Variants in QTRT2 observed in about 807,000 individuals in gnomAD.
QTRT2 encodes the protein queuine tRNA-ribosyltransferase accessory subunit 2.
QTRT2 carries 32 observed loss-of-function variants against 44.8 expected under a neutral mutation model. The observed-to-expected ratio is 0.71, with a 90% CI of 0.54 to 0.96. The LOEUF is 0.96. QTRT2 is among the 40% of genes least tolerant of loss of function. QTRT2 has a pLI of 0.00. For missense variants in QTRT2, 461 were observed against 503.1 expected, an observed-to-expected ratio of 0.92 and a Z score of 0.80; for synonymous variants, 182 against 187.4, an observed-to-expected ratio of 0.97 and a Z score of 0.24.
At chr3:114,061,006 C>G (rs2076880132) in intron 2 of QTRT2, among the ~76,000 whole-genome samples, 1 of 152,146 alleles carries the variant, frequency 6.6e-6, no homozygotes, top group South Asian at 2.1e-4. Flanking sequence ...TTATGCTACT[C>G]AGAATGGCAT....
chr3:114,088,205 G>A lies in QTRT2; in HGVS notation c.*2301G>A, dbSNP rs967411872. The A allele has an allele frequency of 2.6e-5, 4 of 152,138 alleles. No individual in the cohort carries two copies. The highest frequency in any genetic ancestry group is 1.5e-5 in the Non-Finnish European group (1 of 68,004). 9.4% of individuals were successfully genotyped at this position (152,138 alleles called of 1,614,324 possible). A position where few individuals can be genotyped will look rare whatever the true frequency, so the allele number is the denominator to read the frequency against. On this transcript the variant is annotated 3_prime_UTR_variant, in exon 10 of 10. Coordinates refer to ENST00000281273, the MANE Select transcript of QTRT2 (RefSeq NM_024638.4). The stretch of plus-strand genomic sequence containing the variant: ...ATATGAAATTCATGAGTTTATTTAT[G>A]TCTAAAACACTGAAAACTGTGTCCA...
chr3:114,077,208 A>G (rs554057178), intron 7 of QTRT2: 7 of 420,498 alleles, frequency 1.7e-5, no homozygotes, highest in South Asian at 6.2e-5. Context: ...AGCAAGTATT[A>G]TACTGTTTCC....
At chr3:114,075,947 C>T (rs1040389515) in intron 6 of QTRT2, among the ~76,000 whole-genome samples, 1 of 152,010 alleles carries the variant, frequency 6.6e-6, no homozygotes, top group Non-Finnish European at 1.5e-5. Flanking sequence ...GCTATTAGGT[C>T]CATTGAATTT....
intron 9 of QTRT2, among the ~76,000 whole-genome samples, chr3:114,083,614 G>GT (rs2077196770): frequency 6.6e-6 from 1 of 152,080 alleles, no homozygotes; most frequent in Admixed American, 6.5e-5. Flanking sequence ...GCTGGGGTGG[G>GT]TTTTTTGTCT....
chr3:114,079,972 TGA>T lies in QTRT2; in HGVS notation c.817_818del (p.Ser273PhefsTer18). On this transcript the variant is annotated frameshift_variant, in exon 8 of 10. Coordinates refer to ENST00000281273, the MANE Select transcript of QTRT2 (RefSeq NM_024638.4). LOFTEE classifies it high-confidence loss of function. The part of the protein sequence containing the change: ...ECIERGVDLF[E>X]SFFPYQVTER... ...GTATTGAAAGAGGAGTGGACTTATT[TGA>T]GAGTTTTTTCCCTTATCAAGTAACA... 6.2e-7 allele frequency: 1 copy of T among 1,613,914 alleles called. No individual in the cohort carries two copies. Among genetic ancestry groups the T allele is most frequent in the South Asian group, 1.1e-5 (1 of 91,078 alleles).
intron 4 of QTRT2, chr3:114,066,563 G>A (rs1017920125): frequency 1.1e-5 from 4 of 377,630 alleles, no homozygotes; most frequent in Non-Finnish European, 2.0e-5. Context: ...TATCATGACA[G>A]GCCAGAGGGC....
At chr3:114,060,581 A>G (rs1209643041) in intron 2 of QTRT2, among the ~76,000 whole-genome samples, 1 of 152,142 alleles carries the variant, frequency 6.6e-6, no homozygotes, top group Non-Finnish European at 1.5e-5. Context: ...ATAGATCCAA[A>G]CCCTAAATAG....
Position 114,087,312 on chromosome 3 carries a change from C to T in QTRT2, c.*1408C>T, listed in dbSNP as rs1211420802. ...CTGTATGTTTTATGTGTTGGGAGCC[C>T]ATTGTATTAGGCCGTTCTTGGATTG... On this transcript the variant is annotated 3_prime_UTR_variant, in exon 10 of 10. Transcript: ENST00000281273. 1 of 152,096 alleles carries T rather than the reference C, an allele frequency of 6.6e-6. No individual in the cohort carries two copies. The highest frequency in any genetic ancestry group is 2.4e-5 in the African/African-American group (1 of 41,414). 9.4% of individuals were successfully genotyped at this position (152,096 alleles called of 1,614,324 possible).
At position 114,087,262 on chromosome 3, in the gene QTRT2, A is replaced by G. The variant is rs752948705; in HGVS notation, c.*1358A>G. ...CAAAATTTAGTGGGCATTACTTAAC[A>G]TTGTTTCTAATTATTTTGTGGCTGC... On this transcript the variant is annotated 3_prime_UTR_variant, in exon 10 of 10. Coordinates refer to ENST00000281273, the MANE Select transcript of QTRT2 (RefSeq NM_024638.4). The G allele has an allele frequency of 2.0e-5, 3 of 152,000 alleles. No homozygotes were observed. The highest frequency in any genetic ancestry group is 2.9e-5 in the Non-Finnish European group (2 of 67,986). The allele number at this position is 152,000 out of a possible 1,614,324, so 9.4% of individuals were successfully genotyped here. A position where few individuals can be genotyped will look rare whatever the true frequency, so the allele number is the denominator to read the frequency against.
At chr3:114,066,155 A>T in intron 3 of QTRT2, 73 bp from the exon 4 acceptor site, 1 of 1,055,908 alleles carries the variant, frequency 9.5e-7, no homozygotes, top group South Asian at 1.4e-5. Context: ...TGAGGAGAAG[A>T]GGGCTCCAGT....
intron 2 of QTRT2, 137 bp from the exon 3 acceptor site, chr3:114,065,100 T>A (rs1408251101): frequency 1.6e-6 from 1 of 623,070 alleles, no homozygotes; most frequent in East Asian, 2.6e-5. Context: ...GTTCCTGATA[T>A]CTATGAAAAT....
At position 114,076,894 on chromosome 3, in the gene QTRT2, T is replaced by G. The variant is rs1416542418; in HGVS notation, c.698T>G (p.Leu233Arg). Residue 233 changes from leucine to arginine, a missense_variant, in exon 7 of 10, where the codon CTA becomes CGA. Coordinates refer to ENST00000281273, the MANE Select transcript of QTRT2 (RefSeq NM_024638.4). ...QGNPTTLEAR[L>R]RLLSSVTAEL... ...AATCCAACAACCCTGGAGGCTAGACTACGCTTGCTGTCATCAGTCACTGCA... is the reference window on the plus strand; with the variant it reads ...AATCCAACAACCCTGGAGGCTAGACGACGCTTGCTGTCATCAGTCACTGCA... 2 of 1,614,084 alleles carry G rather than the reference T, an allele frequency of 1.2e-6. No individual in the cohort carries two copies. Among genetic ancestry groups the G allele is most frequent in the Admixed American group, 3.3e-5 (2 of 60,006 alleles).
chr3:114,062,273 G>A (rs2076897475), intron 2 of QTRT2, among the ~76,000 whole-genome samples: 1 of 150,782 alleles, frequency 6.6e-6, no homozygotes, highest in Non-Finnish European at 1.5e-5. Flanking sequence ...GGAGGCTGAG[G>A]TGGGAAGGTT....
At chr3:114,066,402 T>G (rs2076954720) in intron 4 of QTRT2, 119 bp downstream of exon 4, 1 of 638,230 alleles carries the variant, frequency 1.6e-6, no homozygotes, top group Non-Finnish European at 2.8e-6. Flanking sequence ...ATAAGTATTA[T>G]TTGAACATCT....
At chr3:114,075,234 T>C (rs1292607322) in intron 6 of QTRT2, among the ~76,000 whole-genome samples, 4 of 152,224 alleles carry the variant, frequency 2.6e-5, no homozygotes, top group African/African-American at 9.6e-5. Context: ...TTTGTTATTA[T>C]ATGGGCAAAA....
In QTRT2 at chr3:114,066,207, A is replaced by G. The variant is rs369089110; in HGVS notation, c.201-21A>G. The G allele has an allele frequency of 1.3e-5, 20 of 1,565,224 alleles. No individual in the cohort carries two copies. In the African/African-American group the frequency reaches 2.4e-4, roughly 19 times the overall value. ...AGAATGACACATTATTATGTTATGT[A>G]TTTTTCTGTTTTGCTTACAGAGCAG... On this transcript the variant is annotated intron_variant, in intron 3 of 9. Coordinates refer to ENST00000281273, the MANE Select transcript of QTRT2 (RefSeq NM_024638.4).
At chr3:114,084,293 C>T (rs1374079458) in intron 9 of QTRT2, among the ~76,000 whole-genome samples, 1 of 152,066 alleles carries the variant, frequency 6.6e-6, no homozygotes, top group African/African-American at 2.4e-5. Context: ...GAACTCCTGA[C>T]CTCAATCCAC....
At chr3:114,060,534 AGAT>A (rs1290749584) in intron 2 of QTRT2, among the ~76,000 whole-genome samples, 23 of 143,098 alleles carry the variant, frequency 1.6e-4, no homozygotes, top group African/African-American at 6.3e-4. Context: ...ATAGATAGAT[AGAT>A]AGATAGATAA....
intron 9 of QTRT2, among the ~76,000 whole-genome samples, chr3:114,085,126 T>G (rs1272942876): frequency 6.6e-6 from 1 of 152,218 alleles, no homozygotes; most frequent in African/African-American, 2.4e-5. Context: ...CTTCTGATGC[T>G]CCTTTGTAAC....
Sources: allele counts gnomAD v4.1 joint callset (sites outside exome capture counted in the v4.1 genomes callset), GRCh38; gene constraint gnomAD v4.1.1; transcripts MANE v1.5; gene names NCBI Gene and HGNC (gene_info 2026-07-23, HGNC 2026-07-21).